DCTN1: variants seen among roughly 807,000 people sequenced by gnomAD.
DCTN1 encodes the protein 150 kDa dynein-associated polypeptide.
DCTN1 carries 61 observed loss-of-function variants against 161.2 expected under a neutral mutation model. The observed-to-expected ratio is 0.38, with a 90% CI of 0.31 to 0.47. The LOEUF (loss-of-function observed/expected upper bound fraction) is 0.47, where lower values mean the gene tolerates loss of function less well. Among genes scored for constraint, DCTN1 ranks in the 20% least tolerant of loss-of-function variants. The pLI, the probability that DCTN1 is intolerant of heterozygous loss-of-function variation, is 0.99. For synonymous variants in DCTN1, 653 were observed against 632.4 expected, an observed-to-expected ratio of 1.03 and a Z score of -0.49; for missense variants, 1,404 against 1,623.7, an observed-to-expected ratio of 0.86 and a Z score of 2.33.
rs114364621 is a variant in DCTN1 at position 74,377,729 on chromosome 2, G to A, written c.280-3C>T. 302 of 1,612,600 alleles carry A rather than the reference G, an allele frequency of 1.9e-4. 1 individual carries two copies. The African/African-American group carries it at 3.5e-3, about 18-fold the overall frequency. ...GCTCCATCTTCAAATACCTGGATCTGAGGCCAGATTCAATATAGCCAGATC... is the reference window on the plus strand; with the variant it reads ...GCTCCATCTTCAAATACCTGGATCTAAGGCCAGATTCAATATAGCCAGATC... On this transcript the variant is annotated splice_region_variant and splice_polypyrimidine_tract_variant and intron_variant, in intron 2 of 31. Coordinates refer to ENST00000628224, the MANE Select transcript of DCTN1 (RefSeq NM_004082.5).
intron 1 of DCTN1, among the ~76,000 whole-genome samples, chr2:74,390,292 T>C (rs1447809871): frequency 6.6e-6 from 1 of 152,220 alleles, no homozygotes; most frequent in African/African-American, 2.4e-5. Context: ...GGGTAACACT[T>C]CTTTCCTGTT....
At chr2:74,380,874 G>A (rs1211979455), upstream of DCTN1, among the ~76,000 whole-genome samples, 1 of 152,228 alleles carries the variant, frequency 6.6e-6, no homozygotes, top group Non-Finnish European at 1.5e-5. Context: ...GTTGTTATAA[G>A]GGGCCAGGTT....
Position 74,370,005 on chromosome 2 carries a change from T to A in DCTN1, c.1352A>T (p.Glu451Val). ...CTCCCTCAACTCGCGCACTTTCTCT[T>A]CCAGATTCAGGTTCCGATCTGTCAG... The part of the protein sequence containing the change: ...EMLTDRNLNL[E>V]EKVRELRETV... Residue 451 changes from glutamate to valine, a missense_variant, in exon 13 of 32, where the codon GAA (glutamate) becomes GTA (valine). By Grantham distance (121) the Glu-to-Val change is moderately radical (BLOSUM62 -2). Transcript: ENST00000628224. The surrounding 1 kb of genome is among the most constrained non-coding windows in gnomAD (Gnocchi z 4.4). The A allele has an allele frequency of 6.2e-7, 1 of 1,614,136 alleles. No individual in the cohort carries two copies.
chr2:74,361,417 G>A lies in DCTN1; in HGVS notation c.*82C>T. On this transcript the variant is annotated 3_prime_UTR_variant, in exon 32 of 32. Transcript: ENST00000628224. The stretch of plus-strand genomic sequence containing the variant: ...GAGCTTAACCCACGTTTCTACCTGG[G>A]GGCTGGCTGAGGTGGCTGTGCATCG... The A allele has an allele frequency of 6.2e-7, 1 of 1,601,092 alleles. No homozygotes were observed. Among genetic ancestry groups the A allele is most frequent in the Non-Finnish European group, 8.5e-7 (1 of 1,172,452 alleles).
In DCTN1 at chr2:74,380,067, C is replaced by A. The variant is rs778167815; in HGVS notation, c.-30G>T. 1 of 1,613,852 alleles carries A rather than the reference C, an allele frequency of 6.2e-7. No individual in the cohort carries two copies. Among genetic ancestry groups the A allele is most frequent in the South Asian group, 1.1e-5 (1 of 91,086 alleles). On this transcript the variant is annotated 5_prime_UTR_variant, in exon 1 of 32. Transcript: ENST00000628224. Reference sequence around the variant, plus strand: ...CTCACCCGGCCTCTACCCCCTCCCCCAGCTGGCCAAAGACAGAGAGAAAAG... The same window carrying A: ...CTCACCCGGCCTCTACCCCCTCCCCAAGCTGGCCAAAGACAGAGAGAAAAG...
chr2:74,391,670 A>C, intron 1 of DCTN1: 1 of 379,022 alleles, frequency 2.6e-6, no homozygotes, highest in Non-Finnish European at 5.2e-6. Context: ...GGACCCCGAC[A>C]AGCGCCCACC....
upstream of DCTN1, among the ~76,000 whole-genome samples, chr2:74,384,572 T>C (rs750440532): frequency 6.6e-6 from 1 of 152,174 alleles, no homozygotes; most frequent in Non-Finnish European, 1.5e-5. Context: ...CTGCCAATAG[T>C]CTTAGAGAAA....
Position 74,370,617 on chromosome 2 carries a change from T to C in DCTN1, c.1048+4A>G, listed in dbSNP as rs1309897356. ...TTGGCCCCCAGCAGCTGTGGGCCCC[T>C]TACCCTTCTCTTCAATCTCAGCCTT... On this transcript the variant is annotated splice_donor_region_variant and intron_variant, in intron 10 of 31. Coordinates refer to ENST00000628224, the MANE Select transcript of DCTN1 (RefSeq NM_004082.5). The surrounding 1 kb of genome is among the most constrained non-coding windows in gnomAD (Gnocchi z 4.4). The C allele has an allele frequency of 6.2e-7, 1 of 1,614,120 alleles. No individual in the cohort carries two copies. Among genetic ancestry groups the C allele is most frequent in the Non-Finnish European group, 8.5e-7 (1 of 1,180,018 alleles).
upstream of DCTN1, among the ~76,000 whole-genome samples, chr2:74,380,908 C>A (rs980883759): frequency 6.6e-6 from 1 of 152,228 alleles, no homozygotes; most frequent in Non-Finnish European, 1.5e-5. Context: ...GTATCAGACT[C>A]AACTGGATTA....
chr2:74,370,282 C>T lies in DCTN1; in HGVS notation c.1191G>A (p.Lys397=), dbSNP rs1334196334. 1.2e-6 allele frequency: 2 copies of T among 1,614,108 alleles called. No homozygotes were observed. Among genetic ancestry groups the T allele is most frequent in the Non-Finnish European group, 1.7e-6 (2 of 1,180,040 alleles). The stretch of plus-strand genomic sequence containing the variant: ...TCACAACTTCCAGCTCTTGGTTCTT[C>T]TTTTCCATGAGCTTCTGGAGCTTCA... ...EHVKLQKLME[K]KNQELEVVRQ... Residue 397 remains lysine, a synonymous_variant, in exon 12 of 32, where the codon AAG becomes AAA. Transcript: ENST00000628224. This position sits in a 1 kb window ranked among gnomAD's most constrained non-coding sequence, Gnocchi z 4.4.
At chr2:74,372,791 C>G in intron 7 of DCTN1, 137 bp downstream of exon 7, 4 of 939,888 alleles carry the variant, frequency 4.3e-6, no homozygotes, top group South Asian at 1.3e-5. Context: ...TGCGAACCCC[C>G]ACCCTTTCCT....
chr2:74,381,641 A>G (rs1413041394), upstream of DCTN1, among the ~76,000 whole-genome samples: 1 of 152,128 alleles, frequency 6.6e-6, no homozygotes, highest in African/African-American at 2.4e-5. Flanking sequence ...TTAAAAAAAG[A>G]CATTTTATAG....
chr2:74,380,307 ACT>A lies in DCTN1; in HGVS notation c.-272_-271del. On this transcript the variant is annotated 5_prime_UTR_variant, in exon 1 of 32. Coordinates refer to ENST00000628224, the MANE Select transcript of DCTN1 (RefSeq NM_004082.5). ...TCCTGCTTGCCAGCTGATGAGTCTC[ACT>A]CTGCGCTAGTGCTGCTCTAGACTTG... 1.7e-6 allele frequency: 1 copy of A among 587,884 alleles called. No homozygotes were observed. The highest frequency in any genetic ancestry group is 3.1e-5 in the East Asian group (1 of 32,234). 36.4% of individuals were successfully genotyped at this position (587,884 alleles called of 1,614,324 possible).
At chr2:74,362,839 G>T in intron 29 of DCTN1, 110 bp from the exon 30 acceptor site, 3 of 1,300,042 alleles carry the variant, frequency 2.3e-6, no homozygotes, top group Non-Finnish European at 3.3e-6. Flanking sequence ...AAGTACTTGA[G>T]AGAGAGTGGG....
intron 1 of DCTN1, chr2:74,391,504 G>T (rs1440269059): frequency 3.2e-6 from 1 of 310,906 alleles, no homozygotes; most frequent in Non-Finnish European, 6.2e-6. Flanking sequence ...TATGGATTCA[G>T]GGGCGCCTCA....
chr2:74,365,315 C>G, intron 25 of DCTN1, 74 bp from the exon 26 acceptor site: 1 of 1,591,296 alleles, frequency 6.3e-7, no homozygotes, highest in South Asian at 1.1e-5. Context: ...CCTGAGAGGT[C>G]CTTGGAATAG....
rs60453234 is a variant in DCTN1 at position 74,362,233 on chromosome 2, G to A, written c.3610-92C>T. 19,583 of 1,127,182 alleles carry A rather than the reference G, an allele frequency of 0.017. 2,038 individuals carry two copies. In the African/African-American group the frequency reaches 0.24, roughly 14 times the overall value. The allele number at this position is 1,127,182 out of a possible 1,614,324, so 69.8% of individuals were successfully genotyped here. ...TGGTTTCACAGAGACACTAATACCA[G>A]GGGGGCAGGGACTTAGTCCTCTATA... On this transcript the variant is annotated intron_variant, in intron 30 of 31. Coordinates refer to ENST00000628224, the MANE Select transcript of DCTN1 (RefSeq NM_004082.5).
intron 21 of DCTN1, 33 bp from the exon 22 acceptor site, chr2:74,366,653 T>A: frequency 6.2e-7 from 1 of 1,613,226 alleles, no homozygotes; most frequent in Admixed American, 1.7e-5. Context: ...GAGTCAACCC[T>A]GGGTTCAGCA....
At position 74,370,766 on chromosome 2, in the gene DCTN1, A is replaced by C; in HGVS notation, c.903T>G (p.Ala301=). 1 of 1,614,176 alleles carries C rather than the reference A, an allele frequency of 6.2e-7. No homozygotes were observed. ...CCAAAGTGGCCATCTCAATGGCATC[A>C]GCAGTATCAGCCATCTCCTCCATAT... ...ERYMEEMADT[A]DAIEMATLDK... is the part of the protein sequence containing the mutation. Residue 301 remains alanine, a synonymous_variant, in exon 10 of 32, where the codon GCT becomes GCG. Coordinates refer to ENST00000628224, the MANE Select transcript of DCTN1 (RefSeq NM_004082.5). This position sits in a 1 kb window ranked among gnomAD's most constrained non-coding sequence, Gnocchi z 4.4.
Sources: allele counts gnomAD v4.1 joint callset (sites outside exome capture counted in the v4.1 genomes callset), GRCh38; gene constraint gnomAD v4.1.1; non-coding constraint Gnocchi (gnomAD v3.1); transcripts MANE v1.5; gene names NCBI Gene and HGNC (gene_info 2026-07-23, HGNC 2026-07-21).